Variants in CDKAL1 observed in about 807,000 individuals in gnomAD.
CDKAL1 encodes threonylcarbamoyladenosine tRNA methylthiotransferase.
In CDKAL1, 32 loss-of-function variants were observed where a neutral mutation model predicts 68.2. That is an observed-to-expected ratio of 0.47 (90% CI 0.35 to 0.63). The LOEUF (loss-of-function observed/expected upper bound fraction) is 0.63, where lower values mean the gene tolerates loss of function less well. Ranked by LOEUF, CDKAL1 falls within the 30% of genes least tolerant of loss-of-function variation. The pLI, the probability that CDKAL1 is intolerant of heterozygous loss-of-function variation, is 0.00. For missense variants in CDKAL1, 606 were observed against 696.7 expected, an observed-to-expected ratio of 0.87 and a Z score of 1.47; for synonymous variants, 234 against 244.3, an observed-to-expected ratio of 0.96 and a Z score of 0.39.
chr6:20,914,909 G>A (rs1762652283), intron 9 of CDKAL1, among the ~76,000 whole-genome samples: 1 of 152,052 alleles, frequency 6.6e-6, no homozygotes, highest in African/African-American at 2.4e-5. Flanking sequence ...CACGTAATAT[G>A]CCTGAACATA....
intron 4 of CDKAL1, among the ~76,000 whole-genome samples, chr6:20,646,141 CT>C (rs1768448424): frequency 2.0e-5 from 3 of 146,478 alleles, no homozygotes; most frequent in Non-Finnish European, 3.0e-5. Context: ...ACTGCAACCT[CT>C]GTCCCCCAGG....
chr6:21,227,911 A>G (rs1003703181), intron 15 of CDKAL1, among the ~76,000 whole-genome samples: 6 of 152,236 alleles, frequency 3.9e-5, no homozygotes, highest in African/African-American at 1.4e-4. Context: ...TTTTGCTTTT[A>G]TTTTAACCCA....
chr6:20,848,011 A>G (rs758616768), intron 9 of CDKAL1, among the ~76,000 whole-genome samples: 29 of 152,326 alleles, frequency 1.9e-4, no homozygotes, highest in Middle Eastern at 3.4e-3. Context: ...TGTAAATGAA[A>G]TGGTGGTCCA....
intron 4 of CDKAL1, among the ~76,000 whole-genome samples, chr6:20,568,611 T>C (rs997272682): frequency 6.6e-6 from 1 of 151,252 alleles, no homozygotes; most frequent in Non-Finnish European, 1.5e-5. Flanking sequence ...GGCGGGCGCC[T>C]GTAGTCCCAG....
intron 5 of CDKAL1, among the ~76,000 whole-genome samples, chr6:20,666,048 A>G (rs1033334242): frequency 6.6e-6 from 1 of 152,160 alleles, no homozygotes; most frequent in Non-Finnish European, 1.5e-5. Context: ...GATAAAAGAA[A>G]AACAGGAGAA....
At chr6:20,638,036 T>C (rs1581869898) in intron 4 of CDKAL1, among the ~76,000 whole-genome samples, 2 of 152,342 alleles carry the variant, frequency 1.3e-5, no homozygotes, top group South Asian at 4.1e-4. Flanking sequence ...AATACCTGTA[T>C]GTTTGCAGTA....
intron 9 of CDKAL1, among the ~76,000 whole-genome samples, chr6:20,861,400 A>T (rs1426626007): frequency 1.3e-5 from 2 of 152,274 alleles, no homozygotes; most frequent in African/African-American, 4.8e-5. Context: ...CATGTGTGCC[A>T]TGGGCAAAGC....
intron 12 of CDKAL1, among the ~76,000 whole-genome samples, chr6:21,097,088 T>C (rs980959809): frequency 6.6e-6 from 1 of 152,154 alleles, no homozygotes; most frequent in South Asian, 2.1e-4. Context: ...TATCAAACAG[T>C]TTAGATTCAG....
chr6:20,738,495 T>TTTG (rs1773299910), intron 5 of CDKAL1, among the ~76,000 whole-genome samples: 1 of 149,674 alleles, frequency 6.7e-6, no homozygotes, highest in Non-Finnish European at 1.5e-5. Context: ...GTTTTTTTTT[T>TTTG]TTTTTTTTTT....
chr6:20,737,740 C>T (rs1773260879), intron 5 of CDKAL1, among the ~76,000 whole-genome samples: 1 of 152,202 alleles, frequency 6.6e-6, no homozygotes, highest in Non-Finnish European at 1.5e-5. Flanking sequence ...GTTATGCAAT[C>T]TACCAAAGTC....
intron 3 of CDKAL1, among the ~76,000 whole-genome samples, chr6:20,548,304 G>A (rs1409974657): frequency 6.6e-6 from 1 of 152,076 alleles, no homozygotes; most frequent in Non-Finnish European, 1.5e-5. Context: ...GAGACAAGGT[G>A]GGAGGATCAC....
intron 13 of CDKAL1, among the ~76,000 whole-genome samples, chr6:21,166,983 T>G (rs898839896): frequency 2.0e-5 from 3 of 152,212 alleles, no homozygotes; most frequent in Non-Finnish European, 2.9e-5. Flanking sequence ...CTTGAGTATG[T>G]CACTTAACCT....
chr6:20,748,554 G>GAAAAAAAA (rs1773762406), intron 6 of CDKAL1, among the ~76,000 whole-genome samples: 2 of 77,106 alleles, frequency 2.6e-5, no homozygotes, highest in African/African-American at 9.5e-5. Flanking sequence ...CTCTGTTTCT[G>GAAAAAAAA]GAAAAAAAAA....
At chr6:20,542,353 C>T (rs552923419) in intron 2 of CDKAL1, among the ~76,000 whole-genome samples, 34 of 152,300 alleles carry the variant, frequency 2.2e-4, no homozygotes, top group African/African-American at 6.3e-4. Context: ...CCACACAGTG[C>T]GTGGGCTTGG....
intron 9 of CDKAL1, among the ~76,000 whole-genome samples, chr6:20,912,903 C>G (rs1297908262): frequency 6.6e-6 from 1 of 151,610 alleles, no homozygotes; most frequent in African/African-American, 2.4e-5. Flanking sequence ...ACTCTTAATC[C>G]TTAGCTATCC....
intron 6 of CDKAL1, among the ~76,000 whole-genome samples, chr6:20,743,625 G>A (rs1000002750): frequency 6.6e-6 from 1 of 151,986 alleles, no homozygotes; most frequent in African/African-American, 2.4e-5. Context: ...TTGACCTCTG[G>A]GCCTTTTATT....
At chr6:20,729,137 A>G (rs77001780) in intron 5 of CDKAL1, among the ~76,000 whole-genome samples, 3,417 of 152,276 alleles carry the variant, frequency 0.022, 138 homozygotes, top group African/African-American at 0.076. Flanking sequence ...CAACCTTCCT[A>G]TCCAAGAGAA....
chr6:21,043,222 G>T (rs900523404), intron 11 of CDKAL1, among the ~76,000 whole-genome samples: 3 of 152,158 alleles, frequency 2.0e-5, no homozygotes, highest in African/African-American at 7.2e-5. Flanking sequence ...TGCCTTCCAT[G>T]ATATTGGTTA....
At chr6:21,025,809 T>A (rs1768924013) in intron 11 of CDKAL1, among the ~76,000 whole-genome samples, 2 of 152,126 alleles carry the variant, frequency 1.3e-5, no homozygotes, top group South Asian at 4.1e-4. Context: ...TTCATCTGCT[T>A]GCTTCTTGTT....
Sources: allele counts gnomAD v4.1 joint callset (sites outside exome capture counted in the v4.1 genomes callset), GRCh38; gene constraint gnomAD v4.1.1; transcripts MANE v1.5; gene names NCBI Gene and HGNC (gene_info 2026-07-23, HGNC 2026-07-21).